Variants in SPEF2 observed in about 807,000 individuals in gnomAD.
The protein encoded by SPEF2 is sperm flagellar and cilia associated 2, also known as sperm flagella and cilia-associated protein 2.
Under a neutral mutation model 224.6 loss-of-function variants are expected in SPEF2, and 187 were observed. That is an observed-to-expected ratio of 0.83 (90% CI 0.74 to 0.94). SPEF2 has a LOEUF of 0.94. SPEF2 is among the 40% of genes least tolerant of loss of function. The probability of loss-of-function intolerance (pLI) is 0.00; values close to 1 mark genes in which losing one functional copy is unlikely to be tolerated. For synonymous variants in SPEF2, 715 were observed against 707.3 expected, an observed-to-expected ratio of 1.01 and a Z score of -0.17; for missense variants, 2,170 against 2,135.6, an observed-to-expected ratio of 1.02 and a Z score of -0.32.
chr5:35,644,669 C>T (rs1747097984), intron 4 of SPEF2, 144 bp downstream of exon 4: 1 of 517,142 alleles, frequency 1.9e-6, no homozygotes, highest in African/African-American at 2.0e-5. Flanking sequence ...CTACTCTCAC[C>T]CTTTCTCTCT....
intron 33 of SPEF2, among the ~76,000 whole-genome samples, chr5:35,797,565 G>T (rs1028815132): frequency 2.0e-5 from 3 of 152,030 alleles, no homozygotes; most frequent in African/African-American, 7.3e-5. Context: ...CCTCTCTGGT[G>T]GGGCTGTTGT....
intron 10 of SPEF2, among the ~76,000 whole-genome samples, chr5:35,688,378 C>T (rs537803628): frequency 1.2e-4 from 18 of 152,162 alleles, no homozygotes; most frequent in African/African-American, 3.4e-4. Flanking sequence ...TACCATTGAT[C>T]CAGAGAGTGT....
intron 32 of SPEF2, among the ~76,000 whole-genome samples, chr5:35,793,867 G>A (rs181667851): frequency 6.6e-6 from 1 of 152,274 alleles, no homozygotes; most frequent in East Asian, 1.9e-4. Context: ...GAAATGAAGA[G>A]AGAAATGTCC....
chr5:35,673,113 C>T (rs965147774), intron 10 of SPEF2, among the ~76,000 whole-genome samples: 1 of 152,160 alleles, frequency 6.6e-6, no homozygotes, highest in Non-Finnish European at 1.5e-5. Context: ...AGCAGTCAGA[C>T]CTCTCTGGGG....
intron 16 of SPEF2, among the ~76,000 whole-genome samples, chr5:35,704,010 T>C (rs1321852348): frequency 6.6e-6 from 1 of 152,222 alleles, no homozygotes; most frequent in Non-Finnish European, 1.5e-5. Context: ...GTACCATTAA[T>C]CCAGAATAGG....
chr5:35,813,263 T>C (rs181738716), intron 36 of SPEF2, among the ~76,000 whole-genome samples: 22 of 152,226 alleles, frequency 1.4e-4, no homozygotes, highest in African/African-American at 5.1e-4. Flanking sequence ...GAGGCTGAGG[T>C]GGGAGGATTG....
Position 35,708,584 on chromosome 5 carries a change from C to CCA in SPEF2, c.2666-364_2666-363insCA, listed in dbSNP as rs200903470. Among the ~76,000 whole-genome samples the CCA allele has an allele frequency of 2.8e-3, 256 of 91,358 alleles. 4 individuals are homozygous for CCA. The highest frequency in any genetic ancestry group is 0.012 in the Middle Eastern group (2 of 170). The allele number at this position is 91,358 out of a possible 152,430, so 59.9% of individuals were successfully genotyped here. A position where few individuals can be genotyped will look rare whatever the true frequency, so the allele number is the denominator to read the frequency against. ...CACCACTACCACACCACCACCATCA[C>CCA]TACCACCATCCCCACCACAGACTTC... is the stretch of plus-strand genomic sequence containing the variant. On this transcript the variant is annotated intron_variant, in intron 18 of 36. Transcript: ENST00000356031.
At chr5:35,791,487 C>A (rs1755948901) in intron 30 of SPEF2, 1 of 152,100 alleles carries the variant, frequency 6.6e-6, no homozygotes. Context: ...ATGTTTCATT[C>A]TTTTTATTCC....
intron 23 of SPEF2, among the ~76,000 whole-genome samples, chr5:35,746,400 A>G (rs1304934841): frequency 2.0e-5 from 3 of 152,226 alleles, no homozygotes; most frequent in Non-Finnish European, 2.9e-5. Flanking sequence ...GCAAAGCCCA[A>G]TGCAAGGAAA....
In SPEF2 at chr5:35,807,264, C is replaced by G. The variant is rs1458787123; in HGVS notation, c.5379+11C>G. On this transcript the variant is annotated intron_variant, in intron 36 of 36. Coordinates refer to ENST00000356031, the MANE Select transcript of SPEF2 (RefSeq NM_024867.4). Reference sequence around the variant, plus strand: ...GACTATAAGTTTCCTGTGAGTATTACCCCAAAGTGCTCTAATTTGGTTGGG... The same window carrying G: ...GACTATAAGTTTCCTGTGAGTATTAGCCCAAAGTGCTCTAATTTGGTTGGG... The G allele has an allele frequency of 5.0e-6, 8 of 1,604,802 alleles. No homozygotes were observed. In the African/African-American group the frequency reaches 1.1e-4, roughly 22 times the overall value.
intron 23 of SPEF2, among the ~76,000 whole-genome samples, chr5:35,750,994 T>TAC (rs1437299976): frequency 2.7e-5 from 3 of 109,472 alleles, no homozygotes; most frequent in African/African-American, 1.0e-4. Flanking sequence ...TATATATATA[T>TAC]ATGTATATAT....
chr5:35,647,109 C>T (rs1400837453), intron 5 of SPEF2, among the ~76,000 whole-genome samples: 3 of 152,194 alleles, frequency 2.0e-5, no homozygotes, highest in African/African-American at 7.2e-5. Flanking sequence ...AGAATGGGTG[C>T]TGTTGTAATG....
chr5:35,693,915 T>A (rs1754896807), intron 12 of SPEF2, among the ~76,000 whole-genome samples: 1 of 152,212 alleles, frequency 6.6e-6, no homozygotes. Flanking sequence ...TTAAAAAAAT[T>A]ACCTTATGGC....
intron 18 of SPEF2, among the ~76,000 whole-genome samples, chr5:35,707,849 G>A (rs1360155724): frequency 6.6e-6 from 1 of 152,138 alleles, no homozygotes; most frequent in South Asian, 2.1e-4. Flanking sequence ...TCACCTTATG[G>A]TTGGGCATAC....
At chr5:35,778,552 C>A (rs1753916724) in intron 29 of SPEF2, among the ~76,000 whole-genome samples, 1 of 152,078 alleles carries the variant, frequency 6.6e-6, no homozygotes, top group African/African-American at 2.4e-5. Context: ...ATGAAGATAG[C>A]AAAGCAATTT....
intron 34 of SPEF2, among the ~76,000 whole-genome samples, chr5:35,801,556 T>C (rs1465362045): frequency 6.6e-6 from 1 of 152,052 alleles, no homozygotes; most frequent in African/African-American, 2.4e-5. Context: ...TTAGGTATGA[T>C]GTGCATTCAC....
At chr5:35,690,487 A>G (rs1167357134) in intron 10 of SPEF2, among the ~76,000 whole-genome samples, 2 of 152,036 alleles carry the variant, frequency 1.3e-5, no homozygotes, top group African/African-American at 4.8e-5. Context: ...ATTTTTTTCT[A>G]TATTTCTAAA....
intron 10 of SPEF2, among the ~76,000 whole-genome samples, chr5:35,680,009 A>G (rs753335175): frequency 6.6e-6 from 1 of 152,176 alleles, no homozygotes; most frequent in African/African-American, 2.4e-5. Context: ...GGATATTTCT[A>G]TTTAAAAAAT....
chr5:35,778,086 A>T (rs1421501706), intron 29 of SPEF2, among the ~76,000 whole-genome samples: 1 of 152,202 alleles, frequency 6.6e-6, no homozygotes, highest in Non-Finnish European at 1.5e-5. Flanking sequence ...AAAGACAGCA[A>T]CTAATGCTAC....
Sources: gnomAD v4.1 joint callset for allele counts (sites outside exome capture counted in the v4.1 genomes callset) on GRCh38, gnomAD v4.1.1 for gene constraint, MANE v1.5 for transcripts, NCBI Gene and HGNC (gene_info 2026-07-23, HGNC 2026-07-21) for gene names.